Variants in EYS observed in about 807,000 individuals in gnomAD.
The protein encoded by EYS is EGF-like photoreceptor maintenance factor.
A neutral mutation model predicts 282.1 loss-of-function variants in EYS; 250 were observed. That is an observed-to-expected ratio of 0.89 (90% confidence interval 0.80 to 0.98). EYS has a LOEUF of 0.98. Among genes scored for constraint, EYS ranks in the 50% least tolerant of loss-of-function variants. The pLI is 0.00. For missense variants in EYS, 4,016 were observed against 3,709.0 expected (o/e 1.08, Z -2.15); for synonymous variants, 1,355 against 1,282.9 (o/e 1.06, Z -1.20).
intron 30 of EYS, among the ~76,000 whole-genome samples, chr6:64,236,894 C>T (rs370451955): frequency 6.6e-6 from 1 of 151,930 alleles, no homozygotes; most frequent in African/African-American, 2.4e-5. Flanking sequence ...AGCACACCAA[C>T]ATGGCACATT....
chr6:63,891,222 C>T (rs1428718262), intron 35 of EYS, among the ~76,000 whole-genome samples: 2 of 151,556 alleles, frequency 1.3e-5, no homozygotes, highest in Non-Finnish European at 2.9e-5. Context: ...GGGTTTCCAC[C>T]CTAACTCATT....
rs1187328693 is a variant in EYS, at chr6:63,927,695, G to C, written c.7055+56688C>G. Among the ~76,000 whole-genome samples the C allele has an allele frequency of 2.6e-5, 4 of 152,196 alleles. No homozygotes were observed. The East Asian group carries it at 7.7e-4, about 29-fold the overall frequency. On this transcript the variant is annotated intron_variant, in intron 35 of 42. Transcript: ENST00000503581. ...TATCAGTGTGTCAAGATGGAAACCA[G>C]TTGCTGCTGAATCTCTGGCTCAAGA...
chr6:64,524,604 T>G (rs563501366), intron 26 of EYS, among the ~76,000 whole-genome samples: 3 of 151,914 alleles, frequency 2.0e-5, no homozygotes, highest in African/African-American at 4.8e-5. Context: ...TTTTTATAGT[T>G]TTGGGTTTTC....
chr6:65,179,477 C>T (rs1223246105), intron 12 of EYS, among the ~76,000 whole-genome samples: 5 of 152,084 alleles, frequency 3.3e-5, no homozygotes, highest in African/African-American at 1.2e-4. Context: ...GGATAAATTC[C>T]TCGACACATA....
At chr6:65,591,463 C>T (rs1205611871) in intron 2 of EYS, among the ~76,000 whole-genome samples, 1 of 151,898 alleles carries the variant, frequency 6.6e-6, no homozygotes, top group African/African-American at 2.4e-5. Context: ...ACAGTAAACA[C>T]AATACATTTA....
At chr6:63,908,264 AC>A (rs200577026) in intron 35 of EYS, among the ~76,000 whole-genome samples, 2,469 of 151,922 alleles carry the variant, frequency 0.016, 80 homozygotes, top group African/African-American at 0.055. Flanking sequence ...CACACGAGAT[AC>A]CATCTTATAC....
intron 22 of EYS, among the ~76,000 whole-genome samples, chr6:64,748,794 A>ATC (rs1772642692): frequency 6.6e-6 from 1 of 152,216 alleles, no homozygotes; most frequent in Non-Finnish European, 1.5e-5. Flanking sequence ...GTTTTATGAG[A>ATC]CGGAGTCTCA....
chr6:65,127,123 A>G (rs1216933487), intron 12 of EYS, among the ~76,000 whole-genome samples: 2 of 152,132 alleles, frequency 1.3e-5, no homozygotes, highest in Non-Finnish European at 2.9e-5. Context: ...TCAAAATATA[A>G]CTAGGTTTTA....
intron 14 of EYS, among the ~76,000 whole-genome samples, chr6:64,957,604 T>A (rs1273886640): frequency 6.6e-6 from 1 of 152,220 alleles, no homozygotes; most frequent in Non-Finnish European, 1.5e-5. Context: ...TAATTTGTTG[T>A]GTAATTTGTA....
chr6:64,764,737 TTTTG>T lies in EYS; in HGVS notation c.3443+48637_3443+48640del, dbSNP rs887042899. On this transcript the variant is annotated intron_variant, in intron 22 of 42. Transcript: ENST00000503581. The stretch of plus-strand genomic sequence containing the variant: ...TTTTATGCACTGTTCCCTTTTTGTT[TTTTG>T]TTTGTTTGTTTGTTTAGACGTAGTT... Among the ~76,000 whole-genome samples the T allele has an allele frequency of 2.4e-4, 37 of 152,294 alleles. No individual in the cohort carries two copies. The East Asian group carries it at 2.9e-3, about 12-fold the overall frequency.
rs1205847014 is a variant in EYS at position 65,539,757 on chromosome 6, T to C, written c.-332-43764A>G. On this transcript the variant is annotated intron_variant, in intron 2 of 42. Transcript: ENST00000503581. Reference sequence around the variant, plus strand: ...TTAAAAAATTTAGATGAAAACTATGTTCTTTGAAGTAAAATTGATGAGTGA... The same window carrying C: ...TTAAAAAATTTAGATGAAAACTATGCTCTTTGAAGTAAAATTGATGAGTGA... Among the ~76,000 whole-genome samples, 3 of 152,224 alleles carry C rather than the reference T, an allele frequency of 2.0e-5. No homozygotes were observed. The East Asian group carries it at 5.8e-4, about 29-fold the overall frequency.
chr6:64,327,357 C>A (rs1429429426), intron 29 of EYS, among the ~76,000 whole-genome samples: 1 of 151,706 alleles, frequency 6.6e-6, no homozygotes, highest in Non-Finnish European at 1.5e-5. Context: ...GGAAAAGTAT[C>A]AAAGCCTACT....
intron 12 of EYS, among the ~76,000 whole-genome samples, chr6:65,271,854 A>C (rs1326655825): frequency 6.6e-6 from 1 of 152,068 alleles, no homozygotes; most frequent in Non-Finnish European, 1.5e-5. Flanking sequence ...AAAGTGCTGG[A>C]ATTGCAGGCG....
At chr6:64,177,935 A>G (rs1461733740) in intron 31 of EYS, among the ~76,000 whole-genome samples, 1 of 152,028 alleles carries the variant, frequency 6.6e-6, no homozygotes, top group Non-Finnish European at 1.5e-5. Context: ...AGCATATTCC[A>G]TTTACTCCAA....
chr6:65,585,136 C>T (rs1217624593), intron 2 of EYS, among the ~76,000 whole-genome samples: 2 of 151,582 alleles, frequency 1.3e-5, no homozygotes, highest in African/African-American at 4.8e-5. Flanking sequence ...AAAATACTTA[C>T]AATAAAGCAT....
At chr6:64,276,458 G>A (rs753535599) in intron 30 of EYS, among the ~76,000 whole-genome samples, 4 of 152,132 alleles carry the variant, frequency 2.6e-5, no homozygotes, top group Non-Finnish European at 5.9e-5. Context: ...TCTAAATCAT[G>A]TAATAATTCT....
At chr6:64,129,934 A>G (rs933115901) in intron 31 of EYS, among the ~76,000 whole-genome samples, 2 of 152,144 alleles carry the variant, frequency 1.3e-5, no homozygotes, top group South Asian at 2.1e-4. Flanking sequence ...AAGATCAGAT[A>G]GTTGTAGATA....
rs375412293 is a variant in EYS, at chr6:65,032,362, A to T, written c.2137+25252T>A. Among the ~76,000 whole-genome samples the T allele has an allele frequency of 7.2e-4, 109 of 152,282 alleles. 5 individuals are homozygous for T. The South Asian group carries it at 0.021, about 30-fold the overall frequency. On this transcript the variant is annotated intron_variant, in intron 13 of 42. Coordinates refer to ENST00000503581, the MANE Select transcript of EYS (RefSeq NM_001142800.2). ...ATATTTGTTCTGTCCCAAATCTCAT[A>T]TTGAATGAAATCCTCCATGCTGGAG...
chr6:63,975,906 T>G (rs894733572), intron 35 of EYS, among the ~76,000 whole-genome samples: 1 of 152,040 alleles, frequency 6.6e-6, no homozygotes, highest in African/African-American at 2.4e-5. Context: ...CATCATAGAA[T>G]GTACTTATAC....
Sources: gnomAD v4.1 joint callset for allele counts (sites outside exome capture counted in the v4.1 genomes callset) on GRCh38, gnomAD v4.1.1 for gene constraint, MANE v1.5 for transcripts, NCBI Gene and HGNC (gene_info 2026-07-23, HGNC 2026-07-21) for gene names.